Variants in DYNLRB1 observed in about 807,000 individuals in gnomAD.
DYNLRB1 encodes ROBL/LC7-like 1.
A neutral mutation model predicts 13.5 loss-of-function variants in DYNLRB1; 6 were observed. The observed-to-expected ratio is 0.44, with a 90% CI of 0.24 to 0.88. DYNLRB1 has a LOEUF of 0.88. DYNLRB1 is among the 40% of genes least tolerant of loss of function. DYNLRB1 has a pLI of 0.21. For synonymous variants in DYNLRB1, 43 were observed against 45.0 expected, an observed-to-expected ratio of 0.96 and a Z score of 0.18; for missense variants, 93 against 127.2, an observed-to-expected ratio of 0.73 and a Z score of 1.29.
chr20:34,527,988 A>G (rs927386229), intron 2 of DYNLRB1, among the ~76,000 whole-genome samples: 4 of 152,188 alleles, frequency 2.6e-5, no homozygotes, highest in Admixed American at 2.0e-4. Context: ...TTTAATTTGG[A>G]AAGGGGTTTG....
At chr20:34,516,926 G>A (rs1173075105) in intron 1 of DYNLRB1, 1 of 1,373,364 alleles carries the variant, frequency 7.3e-7, no homozygotes, top group East Asian at 2.9e-5. Context: ...GTTATTCAGC[G>A]CCCCGAGAAG....
At chr20:34,516,999 C>T (rs938050360) in intron 1 of DYNLRB1, 12 of 1,255,954 alleles carry the variant, frequency 9.6e-6, no homozygotes, top group African/African-American at 4.7e-5. Flanking sequence ...TGACGGCCGC[C>T]ACTCTGTCGG....
intron 2 of DYNLRB1, 68 bp downstream of exon 2, chr20:34,526,411 A>G: frequency 2.0e-6 from 3 of 1,498,848 alleles, no homozygotes; most frequent in Middle Eastern, 1.7e-4. Context: ...ACAGCATAGC[A>G]CTTGCTGTTC....
chr20:34,540,677 G>A lies in DYNLRB1; in HGVS notation c.*53G>A. On this transcript the variant is annotated 3_prime_UTR_variant, in exon 4 of 4. Coordinates refer to ENST00000357156, the MANE Select transcript of DYNLRB1 (RefSeq NM_014183.4). ...CCTTAATTTAATGCCCCCCAAGAAT[G>A]TTAATGTCAATCATGTCAGTGGACT... 1 of 1,574,978 alleles carries A rather than the reference G, an allele frequency of 6.3e-7. No individual in the cohort carries two copies. Among genetic ancestry groups the A allele is most frequent in the Non-Finnish European group, 8.7e-7 (1 of 1,146,742 alleles).
rs1477721698 is a variant in DYNLRB1 at position 34,527,046 on chromosome 20, T to C, written c.79+703T>C. Among the ~76,000 whole-genome samples, 4 of 152,044 alleles carry C rather than the reference T, an allele frequency of 2.6e-5. No homozygotes were observed. In the East Asian group the frequency reaches 7.7e-4, roughly 29 times the overall value. ...TGGACAGGAAGGGAGCTAGCATTTA[T>C]CACATACCCGCTCTGTGCCAAGATT... On this transcript the variant is annotated intron_variant, in intron 2 of 3. Coordinates refer to ENST00000357156, the MANE Select transcript of DYNLRB1 (RefSeq NM_014183.4).
intron 2 of DYNLRB1, among the ~76,000 whole-genome samples, chr20:34,528,311 CAAAAA>C (rs59104612): frequency 3.8e-4 from 2 of 5,204 alleles, no homozygotes; most frequent in East Asian, 4.0e-3. Context: ...GACTCCGTCT[CAAAAA>C]AAAAAAAAAA....
chr20:34,535,609 T>G lies in DYNLRB1; in HGVS notation c.247+814T>G. ...TCCAGGGCCGTCTTTGCATTATTAC[T>G]TTTTTCTCACTCTGCTTTTTCTTGG... On this transcript the variant is annotated intron_variant, in intron 3 of 3. Coordinates refer to ENST00000357156, the MANE Select transcript of DYNLRB1 (RefSeq NM_014183.4). The G allele has an allele frequency of 3.1e-6, 3 of 982,614 alleles. No homozygotes were observed. In the South Asian group the frequency reaches 1.4e-4, roughly 46 times the overall value. 60.9% of individuals were successfully genotyped at this position (982,614 alleles called of 1,614,324 possible). A position where few individuals can be genotyped will look rare whatever the true frequency, so the allele number is the denominator to read the frequency against.
intron 3 of DYNLRB1, among the ~76,000 whole-genome samples, chr20:34,540,318 C>T (rs1325956447): frequency 6.6e-6 from 1 of 152,170 alleles, no homozygotes; most frequent in Non-Finnish European, 1.5e-5. Context: ...CTGCCACTGT[C>T]GTGGGGAGGA....
Position 34,540,849 on chromosome 20 carries a change from G to A in DYNLRB1, c.*225G>A, listed in dbSNP as rs1981532325. 1 of 483,606 alleles carries A rather than the reference G, an allele frequency of 2.1e-6. No individual in the cohort carries two copies. The highest frequency in any genetic ancestry group is 2.0e-5 in the African/African-American group (1 of 49,700). 30.0% of individuals were successfully genotyped at this position (483,606 alleles called of 1,614,324 possible). On this transcript the variant is annotated 3_prime_UTR_variant, in exon 4 of 4. Transcript: ENST00000357156. ...GCCCTCTCCTCACTTCCAGGTTTTG[G>A]AGCAAGAGCTTGCAGGAAGCCCGCA... is the stretch of plus-strand genomic sequence containing the variant.
At chr20:34,535,354 G>T (rs974767423) in intron 3 of DYNLRB1, 15 of 985,228 alleles carry the variant, frequency 1.5e-5, no homozygotes, top group South Asian at 9.4e-5. Context: ...TTTTCCTGCC[G>T]CACGGGAGCA....
intron 2 of DYNLRB1, chr20:34,530,666 C>T (rs1166914960): frequency 1.3e-5 from 2 of 152,242 alleles, no homozygotes; most frequent in East Asian, 1.9e-4. Context: ...GGTCAGAACA[C>T]AGAATCTGAG....
chr20:34,535,028 C>T lies in DYNLRB1; in HGVS notation c.247+233C>T, dbSNP rs182982093. On this transcript the variant is annotated intron_variant, in intron 3 of 3. Coordinates refer to ENST00000357156, the MANE Select transcript of DYNLRB1 (RefSeq NM_014183.4). Reference sequence around the variant, plus strand: ...CCCAGTCTCCTGAGATAGACAGACACGTGAGCATCATGTGTGTCTCCCCTT... The same window carrying T: ...CCCAGTCTCCTGAGATAGACAGACATGTGAGCATCATGTGTGTCTCCCCTT... The T allele has an allele frequency of 9.5e-4, 1,297 of 1,366,522 alleles. 2 individuals are homozygous for T. Among genetic ancestry groups the T allele is most frequent in the Non-Finnish European group, 1.1e-3 (1,213 of 1,057,806 alleles). 84.6% of individuals were successfully genotyped at this position (1,366,522 alleles called of 1,614,324 possible).
intron 1 of DYNLRB1, among the ~76,000 whole-genome samples, chr20:34,519,952 G>T (rs1600538431): frequency 6.6e-6 from 1 of 152,050 alleles, no homozygotes. Context: ...TGGGCAACAT[G>T]GTGAAACTCT....
chr20:34,524,780 G>A (rs1980050338), intron 1 of DYNLRB1, among the ~76,000 whole-genome samples: 1 of 150,868 alleles, frequency 6.6e-6, no homozygotes, highest in South Asian at 2.1e-4. Flanking sequence ...CTGGAGTGCA[G>A]TGGTGCGATC....
chr20:34,525,851 T>A (rs574491012), intron 1 of DYNLRB1, among the ~76,000 whole-genome samples: 34 of 152,342 alleles, frequency 2.2e-4, no homozygotes, highest in Non-Finnish European at 3.5e-4. Context: ...ATGTGCTGTT[T>A]GGGCCACAAA....
At chr20:34,533,515 A>C (rs867473020) in intron 2 of DYNLRB1, 2 of 985,382 alleles carry the variant, frequency 2.0e-6, no homozygotes, top group African/African-American at 3.5e-5. Flanking sequence ...TTTCTCTTCT[A>C]CTTTTTAGTG....
intron 2 of DYNLRB1, chr20:34,529,825 T>G (rs1276554608): frequency 6.7e-7 from 1 of 1,481,814 alleles, no homozygotes; most frequent in South Asian, 1.4e-5. Flanking sequence ...TAGTTCTGAT[T>G]AAACCATGTG....
intron 2 of DYNLRB1, among the ~76,000 whole-genome samples, chr20:34,532,951 C>T (rs1980826540): frequency 6.6e-6 from 1 of 152,172 alleles, no homozygotes. Flanking sequence ...GTCCTGGGCC[C>T]CAAAGCTGGC....
intron 1 of DYNLRB1, among the ~76,000 whole-genome samples, chr20:34,522,438 T>C (rs1338099368): frequency 6.6e-6 from 1 of 151,572 alleles, no homozygotes; most frequent in African/African-American, 2.4e-5. Context: ...TGTGTTTACT[T>C]TTCTTTTTTC....
Sources: gnomAD v4.1 joint callset for allele counts (sites outside exome capture counted in the v4.1 genomes callset) on GRCh38, gnomAD v4.1.1 for gene constraint, MANE v1.5 for transcripts, NCBI Gene and HGNC (gene_info 2026-07-23, HGNC 2026-07-21) for gene names.